Variants in CFAP54 observed in about 807,000 individuals in gnomAD.
CFAP54 encodes cilia- and flagella-associated protein 54.
In CFAP54, 290 loss-of-function variants were observed where a neutral mutation model predicts 370.4. The ratio of observed to expected loss-of-function variants is 0.78; its 90% CI spans 0.71 to 0.86. The LOEUF (loss-of-function observed/expected upper bound fraction) is 0.86, where lower values mean the gene tolerates loss of function less well. Among genes scored for constraint, CFAP54 ranks in the 40% least tolerant of loss-of-function variants. The probability of loss-of-function intolerance (pLI) is 0.00; values close to 1 mark genes in which losing one functional copy is unlikely to be tolerated. For missense variants in CFAP54, 3,399 were observed against 3,528.7 expected (o/e 0.96, Z 0.93); for synonymous variants, 1,206 against 1,236.5 (o/e 0.98, Z 0.52).
intron 67 of CFAP54, among the ~76,000 whole-genome samples, chr12:96,871,970 T>C (rs951877221): frequency 6.6e-6 from 1 of 152,026 alleles, no homozygotes; most frequent in African/African-American, 2.4e-5. Context: ...GAGCCCCAGA[T>C]AGGAAGAAAT....
intron 64 of CFAP54, among the ~76,000 whole-genome samples, chr12:96,814,867 C>T (rs777919236): frequency 2.0e-5 from 3 of 152,124 alleles, no homozygotes; most frequent in Non-Finnish European, 2.9e-5. Context: ...CATGCATGTC[C>T]TTGCAGAGGA....
intron 39 of CFAP54, among the ~76,000 whole-genome samples, chr12:96,674,132 A>T (rs1432359381): frequency 1.3e-5 from 2 of 152,092 alleles, no homozygotes; most frequent in African/African-American, 4.8e-5. Context: ...TTCAGTCCTC[A>T]GGTGTGTTGG....
chr12:96,659,961 A>ATAAACCCTCC (rs1956973807), intron 38 of CFAP54, among the ~76,000 whole-genome samples: 1 of 152,244 alleles, frequency 6.6e-6, no homozygotes. Flanking sequence ...CTGTTTCATA[A>ATAAACCCTCC]AGTTTAATTT....
intron 51 of CFAP54, among the ~76,000 whole-genome samples, chr12:96,742,206 G>A (rs1268701616): frequency 6.6e-6 from 1 of 152,184 alleles, no homozygotes; most frequent in Non-Finnish European, 1.5e-5. Flanking sequence ...GAGAGAAAAG[G>A]AAAGCTGAAA....
At chr12:96,502,339 C>A (rs1955038601) in intron 2 of CFAP54, among the ~76,000 whole-genome samples, 1 of 137,194 alleles carries the variant, frequency 7.3e-6, no homozygotes, top group South Asian at 2.4e-4. Flanking sequence ...GGGCAGATTG[C>A]TTGCTTGAGC....
intron 66 of CFAP54, among the ~76,000 whole-genome samples, chr12:96,830,260 T>C (rs1959166633): frequency 6.6e-6 from 1 of 152,208 alleles, no homozygotes; most frequent in African/African-American, 2.4e-5. Flanking sequence ...TGTTTAACCT[T>C]TCGAAGCACT....
intron 36 of CFAP54, among the ~76,000 whole-genome samples, chr12:96,655,370 A>C (rs945827312): frequency 1.3e-5 from 2 of 152,012 alleles, no homozygotes; most frequent in Admixed American, 6.6e-5. Flanking sequence ...AGGATGACCA[A>C]ATAGTTGATG....
rs1187682264 is a variant in CFAP54 at position 96,764,295 on chromosome 12, T to C, written c.8139+46T>C. 3 of 1,412,418 alleles carry C rather than the reference T, an allele frequency of 2.1e-6. No homozygotes were observed. In the African/African-American group the frequency reaches 4.3e-5, roughly 20 times the overall value. 87.5% of individuals were successfully genotyped at this position (1,412,418 alleles called of 1,614,324 possible). ...ATCTTTCTTCTTACTGTCATATCTG[T>C]ATTCTCTGCCTTTAAAGAACACAAT... On this transcript the variant is annotated intron_variant, in intron 59 of 67. Transcript: ENST00000524981.
intron 39 of CFAP54, among the ~76,000 whole-genome samples, chr12:96,666,606 C>T (rs748348514): frequency 2.0e-5 from 3 of 152,106 alleles, no homozygotes; most frequent in Non-Finnish European, 2.9e-5. Context: ...CATCAGATAT[C>T]GTGAGACTTA....
chr12:96,580,837 A>C, intron 21 of CFAP54, 83 bp from the exon 22 acceptor site: 2 of 1,188,032 alleles, frequency 1.7e-6, no homozygotes, highest in Non-Finnish European at 1.1e-6. Flanking sequence ...TTTTTTTTTA[A>C]TAGAAGGTTT....
chr12:96,679,568 A>C (rs1287482187), intron 39 of CFAP54, 32 bp from the exon 40 acceptor site: 1 of 1,592,008 alleles, frequency 6.3e-7, no homozygotes, highest in Non-Finnish European at 8.6e-7. Flanking sequence ...GCAGCATTTC[A>C]TCCCCAATAT....
chr12:96,838,655 T>A (rs34441), intron 66 of CFAP54, among the ~76,000 whole-genome samples: 1 of 152,090 alleles, frequency 6.6e-6, no homozygotes, highest in South Asian at 2.1e-4. Flanking sequence ...CCTATGATCC[T>A]ATCACCTCCC....
chr12:96,837,808 TAA>T (rs1430783206), intron 66 of CFAP54, among the ~76,000 whole-genome samples: 5 of 152,156 alleles, frequency 3.3e-5, no homozygotes, highest in Non-Finnish European at 5.9e-5. Flanking sequence ...GGTACAGAAG[TAA>T]AAGCCAGAGT....
chr12:96,537,589 G>A (rs1022181739), intron 12 of CFAP54, among the ~76,000 whole-genome samples: 5 of 151,876 alleles, frequency 3.3e-5, no homozygotes, highest in Non-Finnish European at 7.4e-5. Flanking sequence ...TGATCCACCC[G>A]CCTTGGCCTC....
chr12:96,587,002 G>A (rs1313777198), intron 22 of CFAP54, among the ~76,000 whole-genome samples: 2 of 152,094 alleles, frequency 1.3e-5, no homozygotes, highest in Non-Finnish European at 2.9e-5. Flanking sequence ...GCTAACAAGA[G>A]TCCATAAAGA....
intron 46 of CFAP54, among the ~76,000 whole-genome samples, chr12:96,703,606 TA>T (rs1207045922): frequency 1.3e-5 from 2 of 151,606 alleles, no homozygotes; most frequent in African/African-American, 4.9e-5. Flanking sequence ...GCAAATAAAC[TA>T]AATGTTTCCT....
At chr12:96,683,173 A>C (rs1212590809) in intron 40 of CFAP54, among the ~76,000 whole-genome samples, 2 of 152,240 alleles carry the variant, frequency 1.3e-5, no homozygotes, top group Non-Finnish European at 2.9e-5. Flanking sequence ...ATAGGGGAGA[A>C]ATAGCATCAC....
At chr12:96,542,630 T>G (rs1327938232) in intron 14 of CFAP54, among the ~76,000 whole-genome samples, 1 of 152,152 alleles carries the variant, frequency 6.6e-6, no homozygotes, top group Non-Finnish European at 1.5e-5. Context: ...GACACGTAAT[T>G]TTTCCAGCAA....
chr12:96,564,799 C>T (rs1955849816), intron 19 of CFAP54, 34 bp downstream of exon 19: 1 of 553,746 alleles, frequency 1.8e-6, no homozygotes, highest in Non-Finnish European at 3.1e-6. Context: ...TTAATCCTGA[C>T]ATAAAATTTC....
Sources: gnomAD v4.1 joint callset for allele counts (sites outside exome capture counted in the v4.1 genomes callset) on GRCh38, gnomAD v4.1.1 for gene constraint, MANE v1.5 for transcripts, NCBI Gene and HGNC (gene_info 2026-07-23, HGNC 2026-07-21) for gene names.